Variants in NOL4 observed in about 807,000 individuals in gnomAD.
NOL4 encodes cancer/testis antigen 125.
In NOL4, 17 loss-of-function variants were observed where a neutral mutation model predicts 75.9. That is an observed-to-expected ratio of 0.22 (90% CI 0.15 to 0.34). The LOEUF (loss-of-function observed/expected upper bound fraction) is 0.34. NOL4 is among the 10% of genes least tolerant of loss of function. The pLI is 1.00. For missense variants in NOL4, 614 were observed against 793.5 expected (o/e 0.77, Z 2.72); for synonymous variants, 292 against 289.9 (o/e 1.01, Z -0.07).
At chr18:34,159,245 C>A (rs1208701123) in intron 1 of NOL4, among the ~76,000 whole-genome samples, 1 of 152,156 alleles carries the variant, frequency 6.6e-6, no homozygotes, top group African/African-American at 2.4e-5. Flanking sequence ...CCGCGCTCCG[C>A]GAGGGGGAGC....
At chr18:34,131,276 T>A (rs191882870) in intron 1 of NOL4, among the ~76,000 whole-genome samples, 10 of 152,264 alleles carry the variant, frequency 6.6e-5, no homozygotes, top group African/African-American at 2.4e-4. Flanking sequence ...CAAAAGTAAG[T>A]CACCTGGTGC....
At chr18:34,049,139 C>A (rs2076522529) in intron 5 of NOL4, among the ~76,000 whole-genome samples, 2 of 148,078 alleles carry the variant, frequency 1.4e-5, no homozygotes, top group Admixed American at 6.8e-5. Flanking sequence ...CTCTCTCCAG[C>A]ATCAACGTCT....
At chr18:33,886,949 T>TAC (rs2064744948) in intron 9 of NOL4, among the ~76,000 whole-genome samples, 1 of 132,860 alleles carries the variant, frequency 7.5e-6, no homozygotes, top group African/African-American at 3.0e-5. Flanking sequence ...TATATCTAGA[T>TAC]ATATTATATC....
At chr18:34,112,962 A>C (rs2079671668) in intron 2 of NOL4, among the ~76,000 whole-genome samples, 1 of 152,150 alleles carries the variant, frequency 6.6e-6, no homozygotes, top group Non-Finnish European at 1.5e-5. Context: ...CACGTTGTAC[A>C]CCTAACATAT....
chr18:34,195,715 A>T (rs531623897), intron 1 of NOL4, among the ~76,000 whole-genome samples: 5 of 151,970 alleles, frequency 3.3e-5, no homozygotes, highest in Non-Finnish European at 5.9e-5. Flanking sequence ...ATTATGGCCA[A>T]TTATGCCAAT....
rs578155345 is a variant in NOL4 at position 34,019,732 on chromosome 18, T to C, written c.773-131A>G. 4 of 767,272 alleles carry C rather than the reference T, an allele frequency of 5.2e-6. 2 individuals carry two copies. In the South Asian group the frequency reaches 7.9e-5, roughly 15 times the overall value. 47.5% of individuals were successfully genotyped at this position (767,272 alleles called of 1,614,324 possible). A position where few individuals can be genotyped will look rare whatever the true frequency, so the allele number is the denominator to read the frequency against. On this transcript the variant is annotated intron_variant, in intron 5 of 10. Coordinates refer to ENST00000261592, the MANE Select transcript of NOL4 (RefSeq NM_003787.5). Reference sequence around the variant, plus strand: ...ACAATATGTAATTCATCCTCAGCAATAAGCTTGTAAAGCAGTTATTGTTAT... The same window carrying C: ...ACAATATGTAATTCATCCTCAGCAACAAGCTTGTAAAGCAGTTATTGTTAT...
At chr18:34,069,214 G>A (rs1176380706) in intron 5 of NOL4, among the ~76,000 whole-genome samples, 1 of 152,050 alleles carries the variant, frequency 6.6e-6, no homozygotes, top group Non-Finnish European at 1.5e-5. Flanking sequence ...AACACCAAAT[G>A]GAAATTATGG....
chr18:34,220,859 T>C (rs929663984), intron 1 of NOL4: 2 of 152,132 alleles, frequency 1.3e-5, no homozygotes, highest in Non-Finnish European at 2.9e-5. Flanking sequence ...CTTTACTGAA[T>C]AAACACGTGT....
At position 33,871,181 on chromosome 18, in the gene NOL4, T is replaced by G. The variant is rs116628472; in HGVS notation, c.1723+12063A>C. Reference sequence around the variant, plus strand: ...ACAAAAGAAGATGTTAGCATAATAATTGTCATCATGCTCAAAGGTTGAAAA... The same window carrying G: ...ACAAAAGAAGATGTTAGCATAATAAGTGTCATCATGCTCAAAGGTTGAAAA... On this transcript the variant is annotated intron_variant, in intron 10 of 10. Coordinates refer to ENST00000261592, the MANE Select transcript of NOL4 (RefSeq NM_003787.5). 3.5e-3 allele frequency among the ~76,000 whole-genome samples: 540 copies of G among 152,162 alleles called. 2 individuals carry two copies. The highest frequency in any genetic ancestry group is 0.012 in the African/African-American group (511 of 41,536).
chr18:33,941,739 T>C lies in NOL4; in HGVS notation c.1542+1326A>G, dbSNP rs184268854. Among the ~76,000 whole-genome samples, 11 of 151,998 alleles carry C rather than the reference T, an allele frequency of 7.2e-5. No individual in the cohort carries two copies. In the East Asian group the frequency reaches 2.1e-3, roughly 29 times the overall value. On this transcript the variant is annotated intron_variant, in intron 9 of 10. Coordinates refer to ENST00000261592, the MANE Select transcript of NOL4 (RefSeq NM_003787.5). ...CAGAACTGGAATAGCTTGGTGAAGT[T>C]TGCACAATTAGAAAAGGTAGAGATG... is the stretch of plus-strand genomic sequence containing the variant.
chr18:34,031,763 T>TA (rs2075649817), intron 5 of NOL4, among the ~76,000 whole-genome samples: 1 of 152,124 alleles, frequency 6.6e-6, no homozygotes, highest in South Asian at 2.1e-4. Context: ...GACTCCTCAA[T>TA]ACAAGGAAAG....
chr18:33,856,255 T>C (rs918479880), intron 10 of NOL4, among the ~76,000 whole-genome samples: 1 of 152,076 alleles, frequency 6.6e-6, no homozygotes, highest in Non-Finnish European at 1.5e-5. Flanking sequence ...AGTGATGTTA[T>C]TAATAGCACT....
At chr18:33,992,060 T>A in intron 6 of NOL4, among the ~76,000 whole-genome samples, 1 of 149,564 alleles carries the variant, frequency 6.7e-6, no homozygotes, top group East Asian at 1.9e-4. Context: ...TAATGATAGA[T>A]ACTCCAGTAC....
intron 2 of NOL4, among the ~76,000 whole-genome samples, chr18:34,128,488 C>T (rs2080483162): frequency 6.6e-6 from 1 of 151,772 alleles, no homozygotes; most frequent in African/African-American, 2.4e-5. Context: ...GAGGAATAGC[C>T]CTGGCTTAGG....
chr18:34,035,408 G>T (rs1267204652), intron 5 of NOL4, among the ~76,000 whole-genome samples: 4 of 152,126 alleles, frequency 2.6e-5, no homozygotes, highest in South Asian at 2.1e-4. Context: ...AAAATTTTTT[G>T]AAACAAATGA....
chr18:33,963,837 C>T (rs1052950430), intron 6 of NOL4, among the ~76,000 whole-genome samples: 3 of 152,122 alleles, frequency 2.0e-5, no homozygotes, highest in Admixed American at 6.6e-5. Flanking sequence ...TTGAAGGAAA[C>T]GTGACCTGTT....
intron 5 of NOL4, among the ~76,000 whole-genome samples, chr18:34,083,812 G>A (rs2078120207): frequency 1.3e-5 from 2 of 152,116 alleles, no homozygotes. Context: ...AGAATTCACA[G>A]GCCTCAGGAA....
chr18:34,126,099 T>C (rs2080375447), intron 2 of NOL4, among the ~76,000 whole-genome samples: 1 of 152,178 alleles, frequency 6.6e-6, no homozygotes, highest in African/African-American at 2.4e-5. Context: ...CTAATTTTGC[T>C]GCCTGTCCTT....
intron 1 of NOL4, 160 bp downstream of exon 1, chr18:34,222,830 C>A: frequency 1.1e-6 from 1 of 892,592 alleles, no homozygotes; most frequent in South Asian, 1.7e-5. Flanking sequence ...ACGCGCCTGG[C>A]TAATGCGAGT....
Sources: allele counts gnomAD v4.1 joint callset (sites outside exome capture counted in the v4.1 genomes callset), GRCh38; gene constraint gnomAD v4.1.1; transcripts MANE v1.5; gene names NCBI Gene and HGNC (gene_info 2026-07-23, HGNC 2026-07-21).